The following KIZ variants were observed in gnomAD, a reference collection of about 807,000 sequenced individuals.
KIZ encodes kizuna centrosomal protein, also known as centrosomal protein kizuna.
A neutral mutation model predicts 79.6 loss-of-function variants in KIZ; 68 were observed. The observed-to-expected ratio is 0.85, with a 90% confidence interval of 0.70 to 1.05. The LOEUF (loss-of-function observed/expected upper bound fraction) is 1.05, where lower values mean the gene tolerates loss of function less well. Among genes scored for constraint, KIZ ranks in the 50% least tolerant of loss-of-function variants. The pLI is 0.00. For synonymous variants in KIZ, 280 were observed against 281.8 expected, an observed-to-expected ratio of 0.99 and a Z score of 0.06; for missense variants, 797 against 800.4, an observed-to-expected ratio of 1.00 and a Z score of 0.05.
chr20:21,126,057 G>C (rs1415321329), upstream of KIZ: 7 of 1,402,140 alleles, frequency 5.0e-6, no homozygotes, highest in South Asian at 2.9e-5. Flanking sequence ...GGTCTCCTTC[G>C]GCAACCCCGG....
At chr20:21,230,303 T>G (rs1231797059) in intron 10 of KIZ, among the ~76,000 whole-genome samples, 1 of 152,160 alleles carries the variant, frequency 6.6e-6, no homozygotes, top group Non-Finnish European at 1.5e-5. Flanking sequence ...AGCAAGACAC[T>G]GTTTTTACAA....
intron 4 of KIZ, among the ~76,000 whole-genome samples, chr20:21,159,159 A>T (rs1326897481): frequency 1.3e-5 from 2 of 151,680 alleles, no homozygotes; most frequent in South Asian, 2.1e-4. Context: ...AGGTGCCCAA[A>T]TATTTTTTAA....
Position 21,229,054 on chromosome 20 carries a change from T to C in KIZ, c.1722T>C (p.Asp574=). ...YQLLKKATLQ[D]NTNQTENRFQ... ...TGCTGAAGAAGGCCACCCTTCAGGA[T>C]AATACAAATCAAACTGAAAACAGGT... The change falls in exon 10 of 13, where the codon GAT becomes GAC. Residue 574 remains aspartate (D), a synonymous_variant. Transcript: ENST00000619189. 1 of 1,612,624 alleles carries C rather than the reference T, an allele frequency of 6.2e-7. No individual in the cohort carries two copies. Among genetic ancestry groups the C allele is most frequent in the South Asian group, 1.1e-5 (1 of 90,758 alleles).
intron 6 of KIZ, among the ~76,000 whole-genome samples, chr20:21,191,182 C>G (rs114388841): frequency 1.8e-3 from 273 of 152,330 alleles, no homozygotes; most frequent in African/African-American, 6.3e-3. Context: ...CAAATAGTTA[C>G]TAGGTATCCA....
intron 1 of KIZ, among the ~76,000 whole-genome samples, chr20:21,126,505 GTTC>G (rs1334796815): frequency 2.0e-5 from 3 of 152,184 alleles, no homozygotes; most frequent in African/African-American, 7.2e-5. Context: ...GAAGGTGGGA[GTTC>G]TTCTGCCTGT....
At chr20:21,170,415 GTC>G (rs2034150793) in intron 6 of KIZ, among the ~76,000 whole-genome samples, 1 of 146,826 alleles carries the variant, frequency 6.8e-6, no homozygotes, top group Non-Finnish European at 1.5e-5. Flanking sequence ...TTGAGACGGA[GTC>G]TCTCTCTGTC....
chr20:21,194,763 G>A (rs1327530883), intron 6 of KIZ: 1 of 152,004 alleles, frequency 6.6e-6, no homozygotes, highest in East Asian at 1.9e-4. Flanking sequence ...GCCAAGGTGG[G>A]AGGATTGCTT....
intron 6 of KIZ, among the ~76,000 whole-genome samples, chr20:21,171,671 C>G (rs2034211095): frequency 6.6e-6 from 1 of 152,204 alleles, no homozygotes; most frequent in Admixed American, 6.5e-5. Context: ...TCTCAGAGTC[C>G]TGTCCTTAGG....
intron 2 of KIZ, 100 bp downstream of exon 2, chr20:21,132,259 G>A: frequency 1.6e-6 from 1 of 634,578 alleles, no homozygotes; most frequent in Non-Finnish European, 2.7e-6. Flanking sequence ...TTAGAGTACT[G>A]GGTTTTTGGT....
intron 6 of KIZ, among the ~76,000 whole-genome samples, chr20:21,179,582 T>G (rs893064401): frequency 7.9e-5 from 12 of 152,052 alleles, no homozygotes; most frequent in African/African-American, 2.9e-4. Context: ...CATTTATCTC[T>G]GATCATTATT....
At chr20:21,233,669 G>C (rs745655928) in intron 11 of KIZ, among the ~76,000 whole-genome samples, 9 of 152,080 alleles carry the variant, frequency 5.9e-5, no homozygotes, top group Non-Finnish European at 1.3e-4. Context: ...TACATTTCTA[G>C]TATAACATAT....
At chr20:21,171,869 G>A (rs2034219960) in intron 6 of KIZ, among the ~76,000 whole-genome samples, 1 of 152,236 alleles carries the variant, frequency 6.6e-6, no homozygotes, top group Non-Finnish European at 1.5e-5. Context: ...ATTCTAGGCA[G>A]CTGTGCTGAA....
chr20:21,244,067 C>T (rs904181646), intron 11 of KIZ, among the ~76,000 whole-genome samples, 178 bp from the exon 12 acceptor site: 2 of 152,202 alleles, frequency 1.3e-5, no homozygotes, highest in Non-Finnish European at 2.9e-5. Context: ...TAGCGACCCT[C>T]CCGACAAGGC....
At chr20:21,142,362 C>G (rs767553057) in intron 3 of KIZ, among the ~76,000 whole-genome samples, 1 of 152,038 alleles carries the variant, frequency 6.6e-6, no homozygotes, top group Non-Finnish European at 1.5e-5. Flanking sequence ...CAGTATCTGA[C>G]CCATAATATG....
chr20:21,234,128 G>A (rs909465422), intron 11 of KIZ, among the ~76,000 whole-genome samples: 1 of 152,110 alleles, frequency 6.6e-6, no homozygotes, highest in South Asian at 2.1e-4. Context: ...CAGTCTTTAC[G>A]TAGGTTCTTT....
chr20:21,154,963 G>A (rs1047871166), intron 4 of KIZ, among the ~76,000 whole-genome samples: 2 of 152,198 alleles, frequency 1.3e-5, no homozygotes, highest in African/African-American at 4.8e-5. Flanking sequence ...TACGTTGCAA[G>A]TGTGGAGCTA....
intron 4 of KIZ, chr20:21,154,117 C>G (rs1414683758): frequency 6.6e-6 from 1 of 152,080 alleles, no homozygotes; most frequent in Non-Finnish European, 1.5e-5. Context: ...AATAATTGTA[C>G]CATGTGAGAA....
In KIZ at chr20:21,162,351, T is replaced by G; in HGVS notation, c.886T>G (p.Ser296Ala). 1 of 1,613,904 alleles carries G rather than the reference T, an allele frequency of 6.2e-7. No individual in the cohort carries two copies. The highest frequency in any genetic ancestry group is 8.5e-7 in the Non-Finnish European group (1 of 1,179,868). The change falls in exon 5 of 13, where the codon TCC becomes GCC. Residue 296 changes from serine to alanine, a missense_variant. Ser to Ala is a moderately conservative substitution (Grantham distance 99, BLOSUM62 1). Coordinates refer to ENST00000619189, the MANE Select transcript of KIZ (RefSeq NM_018474.6). ...NRTTDLKCDS[S>A]SGSEGEILTR... Reference sequence around the variant, plus strand: ...AACCACTGATTTAAAGTGTGACAGTTCCAGCGGATCAGAGGGAGAAATACT... The same window carrying G: ...AACCACTGATTTAAAGTGTGACAGTGCCAGCGGATCAGAGGGAGAAATACT...
intron 6 of KIZ, chr20:21,197,112 T>C (rs1206359493): frequency 6.6e-6 from 1 of 152,264 alleles, no homozygotes; most frequent in Non-Finnish European, 1.5e-5. Flanking sequence ...CTGTTTTGTC[T>C]TCTCCTATAG....
Sources: gnomAD v4.1 joint callset for allele counts (sites outside exome capture counted in the v4.1 genomes callset) on GRCh38, gnomAD v4.1.1 for gene constraint, MANE v1.5 for transcripts, NCBI Gene and HGNC (gene_info 2026-07-23, HGNC 2026-07-21) for gene names.